FBN2: variants seen among roughly 807,000 people sequenced by gnomAD.
FBN2 encodes fibrillin-2.
In FBN2, 105 loss-of-function variants were observed where a neutral mutation model predicts 355.6. The ratio of observed to expected loss-of-function variants is 0.30; its 90% confidence interval spans 0.25 to 0.35. The LOEUF (loss-of-function observed/expected upper bound fraction) is 0.35. Ranked by LOEUF, FBN2 falls within the 10% of genes least tolerant of loss-of-function variation. The pLI, the probability that FBN2 is intolerant of heterozygous loss-of-function variation, is 1.00. For synonymous variants in FBN2, 1,350 were observed against 1,301.2 expected (o/e 1.04, Z -0.81); for missense variants, 3,280 against 3,758.7 (o/e 0.87, Z 3.33).
intron 7 of FBN2, among the ~76,000 whole-genome samples, chr5:128,433,973 T>C (rs1361281750): frequency 1.3e-5 from 2 of 152,136 alleles, no homozygotes; most frequent in African/African-American, 4.8e-5. Context: ...TTTATTTATA[T>C]TGATTTTGTG....
intron 5 of FBN2, among the ~76,000 whole-genome samples, chr5:128,489,120 G>C (rs964073780): frequency 8.9e-5 from 10 of 111,978 alleles, no homozygotes; most frequent in African/African-American, 6.3e-4. Context: ...CCCACCAACA[G>C]TGTAAAAGTG....
intron 5 of FBN2, among the ~76,000 whole-genome samples, chr5:128,480,936 A>G (rs1470903237): frequency 6.6e-6 from 1 of 151,438 alleles, no homozygotes; most frequent in Non-Finnish European, 1.5e-5. Flanking sequence ...CCTCCTAATT[A>G]CATATGGATA....
Position 128,280,321 on chromosome 5 carries a change from TA to T in FBN2, c.7013-5del, listed in dbSNP as rs774981871. ...TTGGTCCTGCATTCATTTTCATCTT[TA>T]GAAAAACAAACAATATGAATAATGA... On this transcript the variant is annotated splice_region_variant and splice_polypyrimidine_tract_variant and intron_variant, in intron 55 of 64. Coordinates refer to ENST00000262464, the MANE Select transcript of FBN2 (RefSeq NM_001999.4). The T allele has an allele frequency of 2.4e-5, 39 of 1,606,858 alleles. No homozygotes were observed. The highest frequency in any genetic ancestry group is 3.2e-5 in the Non-Finnish European group (38 of 1,174,134).
chr5:128,270,606 C>G (rs1428322825), intron 62 of FBN2, among the ~76,000 whole-genome samples: 1 of 152,054 alleles, frequency 6.6e-6, no homozygotes, highest in Non-Finnish European at 1.5e-5. Context: ...GACTTCATGA[C>G]GAAAACGTCA....
chr5:128,262,951 T>C (rs73784559), intron 63 of FBN2, among the ~76,000 whole-genome samples: 3,509 of 152,218 alleles, frequency 0.023, 130 homozygotes, highest in African/African-American at 0.079. Context: ...CTAGGCACCA[T>C]CCTCTCTCTG....
In FBN2 at chr5:128,395,630, A is replaced by G. The variant is rs147184260; in HGVS notation, c.1079-356T>C. ...AGCAACATCTGACTGATGATTTTAT[A>G]AAAGTTGATCAGATGCAACCTGAAA... is the stretch of plus-strand genomic sequence containing the variant. On this transcript the variant is annotated intron_variant, in intron 8 of 64. Coordinates refer to ENST00000262464, the MANE Select transcript of FBN2 (RefSeq NM_001999.4). 4.1e-4 allele frequency among the ~76,000 whole-genome samples: 62 copies of G among 152,338 alleles called. No individual in the cohort carries two copies. In the East Asian group the frequency reaches 0.01, roughly 25 times the overall value.
In FBN2 at chr5:128,383,519, G is replaced by A. The variant is rs141895442; in HGVS notation, c.1604-4629C>T. ...CAGCACTTCAAAAGATATGTTACAA[G>A]AAGAAAAGGCAAGCCACAGGCTAGG... On this transcript the variant is annotated intron_variant, in intron 11 of 64. Transcript: ENST00000262464. Among the ~76,000 whole-genome samples the A allele has an allele frequency of 4.9e-3, 752 of 152,158 alleles. 2 individuals carry two copies. Among genetic ancestry groups the A allele is most frequent in the South Asian group, 7.5e-3 (36 of 4,826 alleles).
chr5:128,429,874 G>A (rs977034479), intron 7 of FBN2, among the ~76,000 whole-genome samples: 2 of 152,120 alleles, frequency 1.3e-5, no homozygotes, highest in African/African-American at 4.8e-5. Context: ...AATTTTTACA[G>A]TATGGTTTCA....
chr5:128,337,344 T>C (rs1750869998), intron 27 of FBN2, among the ~76,000 whole-genome samples: 1 of 152,230 alleles, frequency 6.6e-6, no homozygotes. Context: ...GGCTGTCTTA[T>C]TTGCTTACGG....
At chr5:128,302,432 A>G (rs1441310178) in intron 46 of FBN2, among the ~76,000 whole-genome samples, 3 of 152,218 alleles carry the variant, frequency 2.0e-5, no homozygotes, top group African/African-American at 4.8e-5. Context: ...GCCAAAGACT[A>G]AAGTCCTGTA....
chr5:128,442,369 T>C (rs1197660379), intron 7 of FBN2: 3 of 456,510 alleles, frequency 6.6e-6, no homozygotes, highest in Non-Finnish European at 1.3e-5. Context: ...TTTATCCACA[T>C]GGACTGAAAT....
intron 63 of FBN2, among the ~76,000 whole-genome samples, chr5:128,262,492 T>C (rs55721059): frequency 0.023 from 3,514 of 152,282 alleles, 130 homozygotes; most frequent in African/African-American, 0.079. Context: ...CTCCAGAAGG[T>C]AAAAGTAAGG....
chr5:128,475,025 T>C (rs768744), intron 5 of FBN2, among the ~76,000 whole-genome samples: 32,192 of 152,050 alleles, frequency 0.21, 6,031 homozygotes, highest in African/African-American at 0.5. Flanking sequence ...TGAAGAACAG[T>C]GATAATCAAG....
rs760494751 is a variant in FBN2 at position 128,286,723 on chromosome 5, C to T, written c.7007G>A (p.Cys2336Tyr). 28 of 1,613,990 alleles carry T rather than the reference C, an allele frequency of 1.7e-5. No homozygotes were observed. Among genetic ancestry groups the T allele is most frequent in the South Asian group, 1.1e-5 (1 of 91,086 alleles). The change falls in exon 55 of 65, where the codon TGT becomes TAT. Residue 2336 changes from cysteine (C) to tyrosine (Y), a missense_variant. Cys to Tyr is a radical substitution (Grantham distance 194). Around this residue, in one of 6 missense-constraint regions of FBN2, gnomAD observed 2,284 missense variants for 2,749.5 expected, o/e 0.83. Transcript: ENST00000262464. Reference protein sequence around the residue: ...GMARRPDGEGCVDENECRTKP... With the variant: ...GMARRPDGEGYVDENECRTKP... ...CACCTTCCCTTACCGCTTACCTACA[C>T]AGCCTTCTCCATCGGGCCTTCGGGC...
At chr5:128,452,498 ATTTT>A (rs1754278030) in intron 6 of FBN2, among the ~76,000 whole-genome samples, 1 of 152,252 alleles carries the variant, frequency 6.6e-6, no homozygotes, top group Non-Finnish European at 1.5e-5. Context: ...AATTAAACTT[ATTTT>A]ATTACATAAA....
chr5:128,508,450 C>T (rs1323950867), intron 5 of FBN2, among the ~76,000 whole-genome samples: 2 of 151,914 alleles, frequency 1.3e-5, no homozygotes, highest in Non-Finnish European at 1.5e-5. Flanking sequence ...TTACACCACA[C>T]ATCTTTAACT....
chr5:128,423,578 A>G (rs560797648), intron 7 of FBN2, among the ~76,000 whole-genome samples: 1 of 152,316 alleles, frequency 6.6e-6, no homozygotes, highest in African/African-American at 2.4e-5. Context: ...TTGGGTGGGG[A>G]CACAGCCAAA....
intron 5 of FBN2, among the ~76,000 whole-genome samples, chr5:128,502,183 T>C (rs1267177496): frequency 6.7e-6 from 1 of 148,736 alleles, no homozygotes; most frequent in African/African-American, 2.5e-5. Context: ...AGGAAAAAGG[T>C]ACAAACAGCT....
rs916590030 is a variant in FBN2 at position 128,421,432 on chromosome 5, C to T, written c.953-12633G>A. Among the ~76,000 whole-genome samples the T allele has an allele frequency of 2.0e-5, 3 of 152,000 alleles. No homozygotes were observed. The East Asian group carries it at 5.8e-4, about 29-fold the overall frequency. The stretch of plus-strand genomic sequence containing the variant: ...TAAAAGCAAGAATAAGGGGAAATGG[C>T]AATAAGTTTCATTATTGAGCTAATA... On this transcript the variant is annotated intron_variant, in intron 7 of 64. Transcript: ENST00000262464.
Sources: allele counts gnomAD v4.1 joint callset (sites outside exome capture counted in the v4.1 genomes callset), GRCh38; gene constraint gnomAD v4.1.1; regional missense constraint gnomAD v4.1.1; transcripts MANE v1.5; gene names NCBI Gene and HGNC (gene_info 2026-07-23, HGNC 2026-07-21).